HSD3B1: variants seen among roughly 807,000 people sequenced by gnomAD.
The protein encoded by HSD3B1 is 3 beta-hydroxysteroid dehydrogenase/Delta 5-->4-isomerase type 1.
A neutral mutation model predicts 10.4 loss-of-function variants in HSD3B1; 11 were observed. The observed-to-expected ratio is 1.05, with a 90% confidence interval of 0.66 to 1.75. HSD3B1 has a LOEUF of 1.75. Among genes scored for constraint, HSD3B1 ranks in the 40% most tolerant of loss-of-function variants. The pLI is 0.00. For synonymous variants in HSD3B1, 217 were observed against 185.4 expected (o/e 1.17, Z -1.39); for missense variants, 490 against 454.5 (o/e 1.08, Z -0.71).
rs1248419285 is a variant in HSD3B1, at chr1:119,514,397, T to C, written c.874T>C (p.Tyr292His). The C allele has an allele frequency of 6.2e-7, 1 of 1,614,144 alleles. No homozygotes were observed. The highest frequency in any genetic ancestry group is 1.7e-5 in the Admixed American group (1 of 60,026). Residue 292 changes from tyrosine (Y) to histidine (H), a missense_variant, in exon 4 of 4, where the codon TAT becomes CAT. Coordinates refer to ENST00000369413, the MANE Select transcript of HSD3B1 (RefSeq NM_000862.3). ...ATGGAGCTTTCCTTTATCCCTGATGTATTGGATTGGCTTCCTGCTGGAAAT... is the reference window on the plus strand; with the variant it reads ...ATGGAGCTTTCCTTTATCCCTGATGCATTGGATTGGCTTCCTGCTGGAAAT... ...SRWSFPLSLM[Y>H]WIGFLLEIVS...
At chr1:119,508,861 C>G (rs779998732) in intron 2 of HSD3B1, among the ~76,000 whole-genome samples, 3 of 152,216 alleles carry the variant, frequency 2.0e-5, no homozygotes, top group Non-Finnish European at 4.4e-5. Context: ...ATTTCTTCCA[C>G]CCTCTGTTTT....
At chr1:119,513,572 T>TAC (rs199924871) in intron 3 of HSD3B1, among the ~76,000 whole-genome samples, 27 of 151,646 alleles carry the variant, frequency 1.8e-4, no homozygotes, top group Admixed American at 5.3e-4. Context: ...AAAATTAAAG[T>TAC]ACACACACAC....
At chr1:119,507,731 C>T in intron 2 of HSD3B1, 110 bp downstream of exon 2, 2 of 1,076,266 alleles carry the variant, frequency 1.9e-6, no homozygotes, top group Non-Finnish European at 2.9e-6. Context: ...CAAATCTAAG[C>T]CAATCTCACA....
Position 119,513,976 on chromosome 1 carries a change from G to A in HSD3B1, c.453G>A (p.Trp151Ter), listed in dbSNP as rs1176201497. ...AAGAAGAGCCTCTGGAAAACACATG[G>A]CCCGCTCCATACCCACACAGCAAAA... ...GHEEEPLENT[W>*]PAPYPHSKKL... The change falls in exon 4 of 4, where the codon TGG (tryptophan) becomes TGA (stop). Residue 151 changes from tryptophan to a stop codon, truncating the protein, a stop_gained. Transcript: ENST00000369413. LOFTEE classifies it low-confidence loss of function (END_TRUNC). 5 of 1,614,058 alleles carry A rather than the reference G, an allele frequency of 3.1e-6. No individual in the cohort carries two copies. The highest frequency in any genetic ancestry group is 4.2e-6 in the Non-Finnish European group (5 of 1,179,996).
In HSD3B1 at chr1:119,511,471, TCATTCCAATGACCTGAC is replaced by T. The variant is rs1653934765; in HGVS notation, c.146-30_146-14del. 6.2e-7 allele frequency: 1 copy of T among 1,611,752 alleles called. No individual in the cohort carries two copies. On this transcript the variant is annotated splice_polypyrimidine_tract_variant and intron_variant, in intron 2 of 3. Transcript: ENST00000369413. ...AAAACTTCTCAGCCAGATACAGAAATCATTCCAATGACCTGACCTGTGTTCACACAGAACTCCAGAAC... is the reference window on the plus strand; with the variant it reads ...AAAACTTCTCAGCCAGATACAGAAATCTGTGTTCACACAGAACTCCAGAAC...
chr1:119,507,494 C>T lies in HSD3B1; in HGVS notation c.18C>T (p.Cys6=). Residue 6 remains cysteine, a synonymous_variant, in exon 2 of 4, where the codon TGC becomes TGT. Coordinates refer to ENST00000369413, the MANE Select transcript of HSD3B1 (RefSeq NM_000862.3). The part of the protein sequence containing the change: MTGWS[C]LVTGAGGFLG... ...GGATGGCCATGACGGGCTGGAGCTGCCTTGTGACAGGAGCAGGAGGGTTTC... is the reference window on the plus strand; with the variant it reads ...GGATGGCCATGACGGGCTGGAGCTGTCTTGTGACAGGAGCAGGAGGGTTTC... 6.2e-7 allele frequency: 1 copy of T among 1,613,890 alleles called. No individual in the cohort carries two copies. Among genetic ancestry groups the T allele is most frequent in the Non-Finnish European group, 8.5e-7 (1 of 1,179,938 alleles).
chr1:119,507,707 T>C, intron 2 of HSD3B1, 86 bp downstream of exon 2: 1 of 1,420,012 alleles, frequency 7.0e-7, no homozygotes, highest in Middle Eastern at 1.8e-4. Flanking sequence ...TAGCAAGTTA[T>C]TGAAATTTGT....
intron 3 of HSD3B1, among the ~76,000 whole-genome samples, chr1:119,512,978 A>G (rs958144929): frequency 2.0e-5 from 3 of 152,186 alleles, no homozygotes; most frequent in Admixed American, 6.5e-5. Flanking sequence ...GGAAGGCACT[A>G]TGGGTACCTC....
chr1:119,511,467 G>A (rs587668816), intron 2 of HSD3B1, 36 bp from the exon 3 acceptor site: 1 of 1,610,962 alleles, frequency 6.2e-7, no homozygotes, highest in Non-Finnish European at 8.5e-7. Flanking sequence ...GCCAGATACA[G>A]AAATCATTCC....
intron 2 of HSD3B1, 118 bp downstream of exon 2, chr1:119,507,739 A>C: frequency 1.4e-4 from 140 of 977,914 alleles, no homozygotes; most frequent in Non-Finnish European, 1.9e-4. Context: ...AGCCAATCTC[A>C]CATCCAAAGT....
At position 119,507,632 on chromosome 1, in the gene HSD3B1, T is replaced by G; in HGVS notation, c.145+11T>G. ...GAGAGGAATTTTCTAGTAAGTAAAC[T>G]TGGGTCATGGGTGTGTGGTTCCATC... On this transcript the variant is annotated intron_variant, in intron 2 of 3. Transcript: ENST00000369413. 6.2e-7 allele frequency: 1 copy of G among 1,613,748 alleles called. No individual in the cohort carries two copies. The highest frequency in any genetic ancestry group is 8.5e-7 in the Non-Finnish European group (1 of 1,179,710).
chr1:119,513,985 A>G lies in HSD3B1; in HGVS notation c.462A>G (p.Pro154=). 6.2e-7 allele frequency: 1 copy of G among 1,614,126 alleles called. No individual in the cohort carries two copies. Among genetic ancestry groups the G allele is most frequent in the Non-Finnish European group, 8.5e-7 (1 of 1,179,994 alleles). Residue 154 remains proline (P), a synonymous_variant, in exon 4 of 4, where the codon CCA becomes CCG. Transcript: ENST00000369413. ...EEPLENTWPA[P]YPHSKKLAEK... ...CTCTGGAAAACACATGGCCCGCTCC[A>G]TACCCACACAGCAAAAAGCTTGCTG...
intron 2 of HSD3B1, among the ~76,000 whole-genome samples, chr1:119,511,120 T>C (rs1653924308): frequency 6.6e-6 from 1 of 152,190 alleles, no homozygotes; most frequent in Non-Finnish European, 1.5e-5. Context: ...ATTATGATTC[T>C]ATACATGATT....
Position 119,513,981 on chromosome 1 carries a change from C to G in HSD3B1, c.458C>G (p.Ala153Gly), listed in dbSNP as rs887628460. Reference protein sequence around the residue: ...EEEPLENTWPAPYPHSKKLAE... With the variant: ...EEEPLENTWPGPYPHSKKLAE... ...GAGCCTCTGGAAAACACATGGCCCG[C>G]TCCATACCCACACAGCAAAAAGCTT... The change falls in exon 4 of 4, where the codon GCT (alanine) becomes GGT (glycine). Residue 153 changes from alanine (A) to glycine (G), a missense_variant. Ala to Gly is a moderately conservative substitution (Grantham distance 60). Coordinates refer to ENST00000369413, the MANE Select transcript of HSD3B1 (RefSeq NM_000862.3). 6 of 1,613,972 alleles carry G rather than the reference C, an allele frequency of 3.7e-6. No individual in the cohort carries two copies. The highest frequency in any genetic ancestry group is 5.1e-6 in the Non-Finnish European group (6 of 1,180,010).
In HSD3B1 at chr1:119,507,522, G is replaced by A. The variant is rs758281414; in HGVS notation, c.46G>A (p.Gly16Arg). ...TGTGACAGGAGCAGGAGGGTTTCTG[G>A]GACAGAGGATCATCCGCCTCTTGGT... ...CLVTGAGGFL[G>R]QRIIRLLVKE... The change falls in exon 2 of 4, where the codon GGA becomes AGA. Residue 16 changes from glycine to arginine, a missense_variant. By Grantham distance (125) the Gly-to-Arg change is moderately radical. Transcript: ENST00000369413. The A allele has an allele frequency of 6.2e-7, 1 of 1,613,940 alleles. No individual in the cohort carries two copies. The highest frequency in any genetic ancestry group is 1.1e-5 in the South Asian group (1 of 91,068).
At position 119,514,507 on chromosome 1, in the gene HSD3B1, C is replaced by G; in HGVS notation, c.984C>G (p.Thr328=). Residue 328 remains threonine, a synonymous_variant, in exon 4 of 4, where the codon ACC becomes ACG. Transcript: ENST00000369413. ...TCACATTGTCAAATAGCGTATTCAC[C>G]TTCTCTTATAAGAAGGCTCAGCGAG... ...HIVTLSNSVF[T]FSYKKAQRDL... The G allele has an allele frequency of 6.2e-7, 1 of 1,614,052 alleles. No homozygotes were observed. Among genetic ancestry groups the G allele is most frequent in the Non-Finnish European group, 8.5e-7 (1 of 1,180,008 alleles).
At chr1:119,512,481 AC>A (rs1210131487) in intron 3 of HSD3B1, among the ~76,000 whole-genome samples, 1 of 152,012 alleles carries the variant, frequency 6.6e-6, no homozygotes. Context: ...TCTCTTCAGC[AC>A]CATAGCACCC....
intron 2 of HSD3B1, among the ~76,000 whole-genome samples, chr1:119,511,090 C>T (rs1187063244): frequency 6.6e-6 from 1 of 152,074 alleles, no homozygotes; most frequent in East Asian, 1.9e-4. Flanking sequence ...TTTTCTTTAA[C>T]ATGATGCTGG....
intron 2 of HSD3B1, among the ~76,000 whole-genome samples, chr1:119,509,181 CAGAG>C (rs58717443): frequency 0.011 from 1,692 of 152,246 alleles, 33 homozygotes; most frequent in African/African-American, 0.036. Flanking sequence ...GAGATAGAAA[CAGAG>C]AGGTTAGTTA....
Sources: gnomAD v4.1 joint callset for allele counts (sites outside exome capture counted in the v4.1 genomes callset) on GRCh38, gnomAD v4.1.1 for gene constraint, MANE v1.5 for transcripts, NCBI Gene and HGNC (gene_info 2026-07-23, HGNC 2026-07-21) for gene names.